HDAC9: variants seen among roughly 807,000 people sequenced by gnomAD.
HDAC9 encodes the protein histone deacetylase 9.
In HDAC9, 41 loss-of-function variants were observed where a neutral mutation model predicts 139.4. The ratio of observed to expected loss-of-function variants is 0.29; its 90% CI spans 0.23 to 0.38. The LOEUF is 0.38. Ranked by LOEUF, HDAC9 falls within the 10% of genes least tolerant of loss-of-function variation. The pLI, the probability that HDAC9 is intolerant of heterozygous loss-of-function variation, is 1.00. For synonymous variants in HDAC9, 517 were observed against 476.2 expected (o/e 1.09, Z -1.12); for missense variants, 1,147 against 1,297.0 (o/e 0.88, Z 1.78).
chr7:18,200,496 G>A (rs1000976846), intron 2 of HDAC9, among the ~76,000 whole-genome samples: 17 of 152,014 alleles, frequency 1.1e-4, no homozygotes, highest in Admixed American at 1.3e-4. Flanking sequence ...TTTTGGCCTG[G>A]CTCAAATGTT....
At chr7:18,607,493 T>C (rs766663917) in intron 6 of HDAC9, among the ~76,000 whole-genome samples, 7 of 152,198 alleles carry the variant, frequency 4.6e-5, no homozygotes, top group Non-Finnish European at 1.0e-4. Context: ...TAAGCAAAAA[T>C]ATACTGCCCA....
chr7:18,121,184 G>A (rs1489717979), intron 1 of HDAC9, among the ~76,000 whole-genome samples: 1 of 152,186 alleles, frequency 6.6e-6, no homozygotes. Context: ...TACATTTTAT[G>A]AGTGGGAAGT....
chr7:18,476,215 C>G (rs73309546), intron 1 of HDAC9, among the ~76,000 whole-genome samples: 2,481 of 152,186 alleles, frequency 0.016, 68 homozygotes, highest in African/African-American at 0.057. Flanking sequence ...TCAGAAAACA[C>G]TGATTAAGGA....
intron 1 of HDAC9, among the ~76,000 whole-genome samples, chr7:18,410,593 A>G (rs940871426): frequency 2.0e-5 from 3 of 152,210 alleles, no homozygotes; most frequent in Non-Finnish European, 4.4e-5. Context: ...TAAAGACTTG[A>G]ATGACCTTTA....
chr7:18,689,017 C>G (rs1225763998), intron 12 of HDAC9, among the ~76,000 whole-genome samples: 5 of 151,960 alleles, frequency 3.3e-5, no homozygotes, highest in Non-Finnish European at 1.5e-5. Flanking sequence ...TTTATTGCTT[C>G]TGAACCTGTA....
intron 2 of HDAC9, among the ~76,000 whole-genome samples, chr7:18,524,056 T>G (rs1348208970): frequency 1.3e-5 from 2 of 151,970 alleles, no homozygotes; most frequent in Admixed American, 1.3e-4. Context: ...TATGAAAACA[T>G]AGAGGGGAAA....
chr7:18,089,213 T>C (rs1781992306), intron 1 of HDAC9, among the ~76,000 whole-genome samples: 1 of 152,098 alleles, frequency 6.6e-6, no homozygotes, highest in Admixed American at 6.5e-5. Flanking sequence ...AGACAGATTT[T>C]TTTTTTTAAC....
At chr7:18,870,943 A>G (rs762794909) in intron 21 of HDAC9, among the ~76,000 whole-genome samples, 6 of 152,172 alleles carry the variant, frequency 3.9e-5, no homozygotes, top group Non-Finnish European at 7.3e-5. Context: ...GATTGTAGCC[A>G]TGAGCTGCAA....
rs536467409 is a variant in HDAC9, at chr7:18,147,184, C to T, written c.-96-15045C>T. Among the ~76,000 whole-genome samples, 5 of 152,120 alleles carry T rather than the reference C, an allele frequency of 3.3e-5. No homozygotes were observed. The South Asian group carries it at 1.0e-3, about 32-fold the overall frequency. ...TTTATTATGGTCCATTTTGTAAATACCCGCTTGCAAATAGACCTCTTCATA... is the reference window on the plus strand; with the variant it reads ...TTTATTATGGTCCATTTTGTAAATATCCGCTTGCAAATAGACCTCTTCATA... On this transcript the variant is annotated intron_variant, in intron 1 of 12. Transcript: ENST00000417496.
intron 13 of HDAC9, among the ~76,000 whole-genome samples, chr7:18,743,820 G>A (rs934121560): frequency 3.3e-5 from 5 of 151,754 alleles, no homozygotes; most frequent in African/African-American, 7.3e-5. Flanking sequence ...GAGATTTGAC[G>A]GTCATTAGAC....
At chr7:18,329,407 A>G (rs943137916) in intron 1 of HDAC9, among the ~76,000 whole-genome samples, 2 of 151,882 alleles carry the variant, frequency 1.3e-5, no homozygotes, top group Admixed American at 1.3e-4. Context: ...AATCAAAATA[A>G]CATATTGTAC....
chr7:18,924,573 G>T (rs906055420), intron 22 of HDAC9, among the ~76,000 whole-genome samples: 1 of 152,072 alleles, frequency 6.6e-6, no homozygotes, highest in Non-Finnish European at 1.5e-5. Flanking sequence ...TTGGCAATGA[G>T]ACATGTCCCC....
chr7:18,993,260 A>G (rs970578455), intron 25 of HDAC9, among the ~76,000 whole-genome samples: 5 of 150,512 alleles, frequency 3.3e-5, no homozygotes, highest in Admixed American at 2.0e-4. Flanking sequence ...ATTGTTTCAC[A>G]CTTCACAGTG....
intron 1 of HDAC9, among the ~76,000 whole-genome samples, chr7:18,433,734 A>G (rs1676246474): frequency 6.6e-6 from 1 of 152,194 alleles, no homozygotes. Flanking sequence ...GATCTCTACA[A>G]TGAGAATTGT....
At chr7:18,136,621 C>T (rs556692171) in intron 1 of HDAC9, among the ~76,000 whole-genome samples, 27 of 152,164 alleles carry the variant, frequency 1.8e-4, no homozygotes, top group Admixed American at 5.2e-4. Flanking sequence ...TGTAGATATG[C>T]GGTGTTATTT....
At chr7:18,333,073 T>C (rs1781319099) in intron 1 of HDAC9, among the ~76,000 whole-genome samples, 1 of 151,544 alleles carries the variant, frequency 6.6e-6, no homozygotes, top group Non-Finnish European at 1.5e-5. Flanking sequence ...TTATACTGTA[T>C]TCTCTGATCA....
intron 1 of HDAC9, among the ~76,000 whole-genome samples, chr7:18,351,558 G>T (rs618718): frequency 0.99 from 150,393 of 152,314 alleles, 74,273 homozygotes; most frequent in East Asian, 1. Flanking sequence ...AAATGACCAT[G>T]TAAAGCAAAG....
At chr7:18,929,837 G>T (rs1348847305) in intron 22 of HDAC9, among the ~76,000 whole-genome samples, 1 of 152,006 alleles carries the variant, frequency 6.6e-6, no homozygotes, top group Admixed American at 6.5e-5. Context: ...TACTCGGGAG[G>T]CTGAGGCAGG....
chr7:18,791,534 A>G (rs1792309568), intron 16 of HDAC9, among the ~76,000 whole-genome samples: 1 of 152,228 alleles, frequency 6.6e-6, no homozygotes, highest in Non-Finnish European at 1.5e-5. Flanking sequence ...CCTTCAATTT[A>G]GAGGGCAAAT....
Sources: gnomAD v4.1 joint callset for allele counts (sites outside exome capture counted in the v4.1 genomes callset) on GRCh38, gnomAD v4.1.1 for gene constraint, MANE v1.5 for transcripts, NCBI Gene and HGNC (gene_info 2026-07-23, HGNC 2026-07-21) for gene names.